ATP2B2: variants seen among roughly 807,000 people sequenced by gnomAD.
The protein encoded by ATP2B2 is plasma membrane calcium-transporting ATPase 2.
ATP2B2 carries 15 observed loss-of-function variants against 120.0 expected under a neutral mutation model. The ratio of observed to expected loss-of-function variants is 0.12; its 90% CI spans 0.08 to 0.19. The LOEUF (loss-of-function observed/expected upper bound fraction) is 0.19, where lower values mean the gene tolerates loss of function less well. Among genes scored for constraint, ATP2B2 ranks in the 10% least tolerant of loss-of-function variants. The probability of loss-of-function intolerance (pLI) is 1.00; values close to 1 mark genes in which losing one functional copy is unlikely to be tolerated. For missense variants in ATP2B2, 1,045 were observed against 1,719.8 expected (o/e 0.61, Z 6.94); for synonymous variants, 694 against 700.3 (o/e 0.99, Z 0.14).
At chr3:10,404,845 G>C (rs1008376631) in intron 3 of ATP2B2, among the ~76,000 whole-genome samples, 3 of 152,180 alleles carry the variant, frequency 2.0e-5, no homozygotes, top group Non-Finnish European at 4.4e-5. Context: ...GCATGGAGGG[G>C]GAAGGAGTGG....
rs552610871 is a variant in ATP2B2 at position 10,331,269 on chromosome 3, G to A, written c.3421-2144C>T. 3.9e-5 allele frequency among the ~76,000 whole-genome samples: 6 copies of A among 152,312 alleles called. No individual in the cohort carries two copies. In the East Asian group the frequency reaches 5.8e-4, roughly 15 times the overall value. ...ATTCTGATCTCCTGAAAAGTGAGCC[G>A]TTACACCTTGATTAACTGAAAACAA... On this transcript the variant is annotated intron_variant, in intron 22 of 22. Coordinates refer to ENST00000360273, the MANE Select transcript of ATP2B2 (RefSeq NM_001001331.4).
At chr3:10,545,555 A>G (rs2067527737) in intron 2 of ATP2B2, among the ~76,000 whole-genome samples, 1 of 152,054 alleles carries the variant, frequency 6.6e-6, no homozygotes. Context: ...AATAAATAAA[A>G]AATAAAAACA....
At chr3:10,414,749 C>T (rs1054164393) in intron 2 of ATP2B2, among the ~76,000 whole-genome samples, 3 of 152,130 alleles carry the variant, frequency 2.0e-5, no homozygotes, top group Admixed American at 6.5e-5. Flanking sequence ...GGTGAGGGGT[C>T]GGCACAGAGC....
chr3:10,488,951 C>T (rs997681363), intron 1 of ATP2B2, among the ~76,000 whole-genome samples: 1 of 152,188 alleles, frequency 6.6e-6, no homozygotes, highest in African/African-American at 2.4e-5. Flanking sequence ...TGATGGCCCA[C>T]GAGACCCTGC....
chr3:10,512,049 G>A (rs1301242987), intron 3 of ATP2B2, among the ~76,000 whole-genome samples: 1 of 152,168 alleles, frequency 6.6e-6, no homozygotes, highest in Non-Finnish European at 1.5e-5. Flanking sequence ...ACTACCCCAG[G>A]AGAATTTGAT....
rs547404016 is a variant in ATP2B2, at chr3:10,584,110, G to A, written c.-415+35807C>T. ...AAGCCAAAGAAACTTGCGAGGAAGA[G>A]AGCTTTCCGCTTGGACTTGAGGCAG... On this transcript the variant is annotated intron_variant, in intron 2 of 21. Coordinates refer to the ATP2B2 transcript ENST00000646379. Among the ~76,000 whole-genome samples, 18 of 152,284 alleles carry A rather than the reference G, an allele frequency of 1.2e-4. 1 individual carries two copies. The South Asian group carries it at 3.7e-3, about 32-fold the overall frequency.
At chr3:10,634,051 T>G (rs1275496551) in intron 1 of ATP2B2, among the ~76,000 whole-genome samples, 1 of 152,222 alleles carries the variant, frequency 6.6e-6, no homozygotes, top group African/African-American at 2.4e-5. Flanking sequence ...TTGCCGCCTT[T>G]CTGCCTAACT....
In ATP2B2 at chr3:10,386,511, A is replaced by G. The variant is rs1575085526; in HGVS notation, c.909T>C (p.Gly303=). The G allele has an allele frequency of 6.2e-7, 1 of 1,614,090 alleles. No individual in the cohort carries two copies. Among genetic ancestry groups the G allele is most frequent in the Non-Finnish European group, 8.5e-7 (1 of 1,179,970 alleles). Reference sequence around the variant, plus strand: ...GCTGAAGGCCATCCCCCTTCTTCACACCTGTGTGATGATTTTTGAGACATG... The same window carrying G: ...GCTGAAGGCCATCCCCCTTCTTCACGCCTGTGTGATGATTTTTGAGACATG... The part of the protein sequence containing the change: ...GEEEEKKDKK[G]VKKGDGLQLP... The change falls in exon 7 of 23, where the codon GGT becomes GGC. Residue 303 remains glycine (G), a splice_region_variant and synonymous_variant. Transcript: ENST00000360273.
intron 1 of ATP2B2, among the ~76,000 whole-genome samples, chr3:10,478,641 C>G (rs1024904): frequency 0.5 from 76,162 of 152,052 alleles, 20,975 homozygotes; most frequent in East Asian, 0.99. Context: ...TAGAATCCAG[C>G]AGCCACCCCT....
rs973925757 is a variant in ATP2B2 at position 10,534,809 on chromosome 3, A to G, written c.-414-676T>C. On this transcript the variant is annotated intron_variant, in intron 2 of 21. Coordinates refer to the ATP2B2 transcript ENST00000646379. ...CGTGGGTCTTAGAAACGCCCGACAA[A>G]CAGCAGCAGCAGAGGGCACTGGATG... Among the ~76,000 whole-genome samples the G allele has an allele frequency of 3.3e-5, 5 of 151,972 alleles. No homozygotes were observed. In the East Asian group the frequency reaches 9.6e-4, roughly 29 times the overall value.
At position 10,340,486 on chromosome 3, in the gene ATP2B2, T is replaced by G; in HGVS notation, c.3129+7A>C. On this transcript the variant is annotated splice_region_variant and intron_variant, in intron 20 of 22. Transcript: ENST00000360273. This position sits in a 1 kb window ranked among gnomAD's most constrained non-coding sequence, Gnocchi z 5.0. The stretch of plus-strand genomic sequence containing the variant: ...CCCGGGCCTGGTTAGGGTGGGGGCC[T>G]CACTACCTGGATGGCAAAGGTGCCC... 6.2e-7 allele frequency: 1 copy of G among 1,614,158 alleles called. No homozygotes were observed. Among genetic ancestry groups the G allele is most frequent in the Non-Finnish European group, 8.5e-7 (1 of 1,180,022 alleles).
chr3:10,358,672 C>G lies in ATP2B2; in HGVS notation c.2136+19G>C. 1 of 1,613,440 alleles carries G rather than the reference C, an allele frequency of 6.2e-7. No homozygotes were observed. The highest frequency in any genetic ancestry group is 8.5e-7 in the Non-Finnish European group (1 of 1,179,628). ...CAGCCTCATCCCCTTTCCCTGAGCT[C>G]GCTGGCCCTGGGGCCTACCTCTGGC... is the stretch of plus-strand genomic sequence containing the variant. On this transcript the variant is annotated intron_variant, in intron 14 of 22. Coordinates refer to ENST00000360273, the MANE Select transcript of ATP2B2 (RefSeq NM_001001331.4).
Position 10,385,288 on chromosome 3 carries a change from G to A in ATP2B2, c.980C>T (p.Ala327Val), listed in dbSNP as rs149708084. The change falls in exon 8 of 23, where the codon GCG (alanine) becomes GTG (valine). Residue 327 changes from alanine to valine, a missense_variant. Coordinates refer to ENST00000360273, the MANE Select transcript of ATP2B2 (RefSeq NM_001001331.4). ...CATACCATTGACTAGGCTGGCATTC[G>A]CACTATCTGCAGCATTTGAAGCTGC... ...GAAASNAADS[A>V]NASLVNGKMQ... The A allele has an allele frequency of 4.1e-5, 66 of 1,613,890 alleles. No individual in the cohort carries two copies. The Middle Eastern group carries it at 1.3e-3, about 32-fold the overall frequency.
chr3:10,385,447 T>A (rs1198247607), intron 7 of ATP2B2, 120 bp from the exon 8 acceptor site: 7 of 845,732 alleles, frequency 8.3e-6, no homozygotes, highest in Non-Finnish European at 1.1e-5. Context: ...AAAAAAATTA[T>A]CCTTTGGAAA....
chr3:10,328,376 A>C lies in ATP2B2; in HGVS notation c.*438T>G, dbSNP rs1190762296. 3 of 178,700 alleles carry C rather than the reference A, an allele frequency of 1.7e-5. No homozygotes were observed. The East Asian group carries it at 4.5e-4, about 27-fold the overall frequency. 11.1% of individuals were successfully genotyped at this position (178,700 alleles called of 1,614,324 possible). A position where few individuals can be genotyped will look rare whatever the true frequency, so the allele number is the denominator to read the frequency against. ...ACCAGTGGATTGGATAAATAGTCTC[A>C]GAAAAGAGTCTGTTTGCAGTTCCCG... is the stretch of plus-strand genomic sequence containing the variant. On this transcript the variant is annotated 3_prime_UTR_variant, in exon 23 of 23. Coordinates refer to ENST00000360273, the MANE Select transcript of ATP2B2 (RefSeq NM_001001331.4).
At chr3:10,378,614 C>T (rs1462643421) in intron 9 of ATP2B2, among the ~76,000 whole-genome samples, 1 of 152,198 alleles carries the variant, frequency 6.6e-6, no homozygotes, top group Non-Finnish European at 1.5e-5. Context: ...CCCAGTGGTA[C>T]TCGCTGCCTC....
chr3:10,672,769 C>T (rs988082094), intron 1 of ATP2B2, among the ~76,000 whole-genome samples: 17 of 152,192 alleles, frequency 1.1e-4, no homozygotes, highest in African/African-American at 3.1e-4. Flanking sequence ...TTTATTAGCA[C>T]GAATCCTACC....
rs2059894694 is a variant in ATP2B2 at position 10,328,232 on chromosome 3, G to A, written c.*582C>T. 1 of 153,450 alleles carries A rather than the reference G, an allele frequency of 6.5e-6. No homozygotes were observed. Among genetic ancestry groups the A allele is most frequent in the Admixed American group, 6.5e-5 (1 of 15,398 alleles). The allele number at this position is 153,450 out of a possible 1,614,324, so 9.5% of individuals were successfully genotyped here. On this transcript the variant is annotated 3_prime_UTR_variant, in exon 23 of 23. Transcript: ENST00000360273. ...ATATAACCTTGTGAGTGTCTATGAA[G>A]TTCTTCGGTTCCATTGGTGCAAATC...
intron 1 of ATP2B2, among the ~76,000 whole-genome samples, chr3:10,485,131 GT>G (rs202194808): frequency 6.6e-6 from 1 of 152,138 alleles, no homozygotes; most frequent in East Asian, 1.9e-4. Context: ...AGGTGAGGGG[GT>G]CTTCAGGAGG....
Sources: allele counts gnomAD v4.1 joint callset (sites outside exome capture counted in the v4.1 genomes callset), GRCh38; gene constraint gnomAD v4.1.1; non-coding constraint Gnocchi (gnomAD v3.1); transcripts MANE v1.5; gene names NCBI Gene and HGNC (gene_info 2026-07-23, HGNC 2026-07-21).